Variants in PAK1 observed in about 807,000 individuals in gnomAD.
PAK1 encodes p21 (RAC1) activated kinase 1.
In PAK1, 29 loss-of-function variants were observed where a neutral mutation model predicts 67.4. The observed-to-expected ratio is 0.43, with a 90% confidence interval of 0.32 to 0.59. The LOEUF (loss-of-function observed/expected upper bound fraction) is 0.59, where lower values mean the gene tolerates loss of function less well. PAK1 is among the 20% of genes least tolerant of loss of function. The pLI is 0.07. For missense variants in PAK1, 337 were observed against 670.7 expected (o/e 0.50, Z 5.50); for synonymous variants, 223 against 237.4 (o/e 0.94, Z 0.56).
At position 77,337,394 on chromosome 11, in the gene PAK1, C is replaced by G. The variant is rs778837926; in HGVS notation, c.1146G>C (p.Ser382=). The change falls in exon 12 of 15, where the codon TCG becomes TCC. Residue 382 remains serine, a synonymous_variant. Coordinates refer to ENST00000356341, the MANE Select transcript of PAK1 (RefSeq NM_002576.5). The stretch of plus-strand genomic sequence containing the variant: ...TGATGTCTCTGTGAATGACCTGGTT[C>G]GAATGCAAGAACTCCAGAGCCTGCA... ...ECLQALEFLH[S]NQVIHRDIKS... The G allele has an allele frequency of 1.2e-6, 2 of 1,610,618 alleles. No homozygotes were observed. The highest frequency in any genetic ancestry group is 1.1e-5 in the South Asian group (1 of 90,914).
the PAK1 span, among the ~76,000 whole-genome samples, chr11:77,499,993 C>T: frequency 6.6e-6 from 1 of 152,164 alleles, no homozygotes; most frequent in African/African-American, 2.4e-5. Context: ...GGCTGGAAGA[C>T]CTCTGAACAC....
chr11:77,448,509 G>A (rs1354232191), intron 1 of PAK1, among the ~76,000 whole-genome samples: 1 of 152,306 alleles, frequency 6.6e-6, no homozygotes, highest in Middle Eastern at 3.4e-3. Flanking sequence ...AACACTGAAG[G>A]AAGAAATACT....
At chr11:77,489,227 A>C in the PAK1 span, among the ~76,000 whole-genome samples, 3 of 152,322 alleles carry the variant, frequency 2.0e-5, no homozygotes, top group Non-Finnish European at 4.4e-5. Flanking sequence ...CAAATAATGA[A>C]GCAGCCTTAT....
chr11:77,379,285 T>C lies in PAK1; in HGVS notation c.395A>G (p.Asn132Ser). 2 of 1,613,906 alleles carry C rather than the reference T, an allele frequency of 1.2e-6. No homozygotes were observed. Among genetic ancestry groups the C allele is most frequent in the Non-Finnish European group, 1.7e-6 (2 of 1,179,916 alleles). Reference protein sequence around the residue: ...QAVLDVLEFYNSKKTSNSQKY... With the variant: ...QAVLDVLEFYSSKKTSNSQKY... ...CTGGCTGTTGGATGTCTTCTTCGAG[T>C]TGTAAAACTCCAACACATCCAGAAC... Residue 132 changes from asparagine to serine, a missense_variant, in exon 4 of 15, where the codon AAC becomes AGC. By Grantham distance (46) the Asn-to-Ser change is conservative (BLOSUM62 1). Coordinates refer to ENST00000356341, the MANE Select transcript of PAK1 (RefSeq NM_002576.5).
In PAK1 at chr11:77,332,691, T is replaced by C. The variant is rs376940938; in HGVS notation, c.1551+39A>G. 8.2e-6 allele frequency: 13 copies of C among 1,581,412 alleles called. No individual in the cohort carries two copies. The African/African-American group carries it at 1.2e-4, about 15-fold the overall frequency. Reference sequence around the variant, plus strand: ...AAGTAAAAAAGGCCTGGTTTAGTGATTCCCTGAATTAGGTGCTTCCCTGCA... The same window carrying C: ...AAGTAAAAAAGGCCTGGTTTAGTGACTCCCTGAATTAGGTGCTTCCCTGCA... On this transcript the variant is annotated intron_variant, in intron 14 of 14. Coordinates refer to ENST00000356341, the MANE Select transcript of PAK1 (RefSeq NM_002576.5).
At chr11:77,490,432 CA>C in the PAK1 span, among the ~76,000 whole-genome samples, 3 of 148,694 alleles carry the variant, frequency 2.0e-5, no homozygotes, top group Non-Finnish European at 3.0e-5. Context: ...TCTGCCCGGC[CA>C]GCCGCCCCGT....
At chr11:77,506,566 T>C in the PAK1 span, among the ~76,000 whole-genome samples, 1 of 152,072 alleles carries the variant, frequency 6.6e-6, no homozygotes, top group Non-Finnish European at 1.5e-5. Context: ...AACTACTGTA[T>C]GGAGAATGAC....
In PAK1 at chr11:77,392,245, T is replaced by A. The variant is rs773366353; in HGVS notation, c.190+86A>T. 5.0e-5 allele frequency: 48 copies of A among 959,906 alleles called. 1 individual carries two copies. Among genetic ancestry groups the A allele is most frequent in the Non-Finnish European group, 7.2e-5 (48 of 663,318 alleles). 59.5% of individuals were successfully genotyped at this position (959,906 alleles called of 1,614,324 possible). On this transcript the variant is annotated intron_variant, in intron 2 of 14. Coordinates refer to ENST00000356341, the MANE Select transcript of PAK1 (RefSeq NM_002576.5). ...AAGAAAACATTAAAGGAAAATTAAG[T>A]CAAAGACAACAGATCTTTTATCCAG...
chr11:77,422,561 A>AAG (rs1955327232), intron 1 of PAK1, among the ~76,000 whole-genome samples: 1 of 151,948 alleles, frequency 6.6e-6, no homozygotes, highest in African/African-American at 2.4e-5. Flanking sequence ...TCTCAAAAAA[A>AAG]AAAAAAAGTC....
chr11:77,455,575 C>T (rs1015882157), intron 1 of PAK1, among the ~76,000 whole-genome samples: 16 of 74,086 alleles, frequency 2.2e-4, no homozygotes, highest in Non-Finnish European at 3.0e-4. Flanking sequence ...CCTGGAAGCC[C>T]AGCCGGGTCC....
chr11:77,463,895 C>T (rs541480507), intron 1 of PAK1, among the ~76,000 whole-genome samples: 1 of 152,230 alleles, frequency 6.6e-6, no homozygotes, highest in East Asian at 1.9e-4. Flanking sequence ...CTGAAAGATA[C>T]GGTTAGCCTT....
chr11:77,491,760 G>C, the PAK1 span, among the ~76,000 whole-genome samples: 1 of 151,600 alleles, frequency 6.6e-6, no homozygotes, highest in Non-Finnish European at 1.5e-5. Flanking sequence ...ACAAAGACAG[G>C]AAAGAAGGAA....
chr11:77,473,321 G>A (rs1005121064), intron 1 of PAK1: 1 of 152,184 alleles, frequency 6.6e-6, no homozygotes, highest in Non-Finnish European at 1.5e-5. Context: ...CGGCGTCTGA[G>A]ACCCGCGACC....
chr11:77,372,420 T>C (rs934703502), intron 5 of PAK1, among the ~76,000 whole-genome samples: 2 of 152,184 alleles, frequency 1.3e-5, no homozygotes, highest in African/African-American at 4.8e-5. Flanking sequence ...AGTAAGCTCC[T>C]GTGAGGATTC....
At chr11:77,412,030 G>C (rs993833683) in intron 1 of PAK1, 1 of 152,308 alleles carries the variant, frequency 6.6e-6, no homozygotes, top group Admixed American at 6.5e-5. Context: ...AAGGAGGCGG[G>C]AGGAAGCCGC....
chr11:77,411,315 A>T (rs893389540), intron 1 of PAK1, among the ~76,000 whole-genome samples: 1 of 152,036 alleles, frequency 6.6e-6, no homozygotes, highest in African/African-American at 2.4e-5. Context: ...CACTGCACAG[A>T]TATGGCAACT....
At chr11:77,373,747 A>G (rs924990397) in intron 5 of PAK1, among the ~76,000 whole-genome samples, 3 of 152,194 alleles carry the variant, frequency 2.0e-5, no homozygotes, top group African/African-American at 7.2e-5. Flanking sequence ...CATGATTTCT[A>G]TAACATCCAT....
rs566456335 is a variant in PAK1, at chr11:77,459,724, G to A, written c.-22+13828C>T. Among the ~76,000 whole-genome samples, 514 of 132,938 alleles carry A rather than the reference G, an allele frequency of 3.9e-3. 6 individuals are homozygous for A. The highest frequency in any genetic ancestry group is 0.014 in the African/African-American group (477 of 34,658). The allele number at this position is 132,938 out of a possible 152,430, so 87.2% of individuals were successfully genotyped here. A position where few individuals can be genotyped will look rare whatever the true frequency, so the allele number is the denominator to read the frequency against. On this transcript the variant is annotated intron_variant, in intron 1 of 14. Transcript: ENST00000356341. ...TTTTTTTTTTTTGAGACGGAGTCTC[G>A]CTCTTTCACCCAGGCCGGACTGCAG...
intron 1 of PAK1, among the ~76,000 whole-genome samples, chr11:77,455,551 T>C (rs1957044958): frequency 7.4e-6 from 1 of 135,104 alleles, no homozygotes; most frequent in Non-Finnish European, 1.6e-5. Context: ...TCAATGTAGT[T>C]TGGGGAGTTT....
Sources: allele counts gnomAD v4.1 joint callset (sites outside exome capture counted in the v4.1 genomes callset), GRCh38; gene constraint gnomAD v4.1.1; transcripts MANE v1.5; gene names NCBI Gene and HGNC (gene_info 2026-07-23, HGNC 2026-07-21).